CNTNAP2: variants seen among roughly 807,000 people sequenced by gnomAD.
CNTNAP2 encodes the protein contactin associated protein 2, also known as contactin-associated protein-like 2.
Under a neutral mutation model 155.2 loss-of-function variants are expected in CNTNAP2, and 98 were observed. That is an observed-to-expected ratio of 0.63 (90% CI 0.54 to 0.75). The LOEUF (loss-of-function observed/expected upper bound fraction) is 0.75. Ranked by LOEUF, CNTNAP2 falls within the 30% of genes least tolerant of loss-of-function variation. The pLI is 0.00. For missense variants in CNTNAP2, 1,727 were observed against 1,688.1 expected, an observed-to-expected ratio of 1.02 and a Z score of -0.40; for synonymous variants, 651 against 631.2, an observed-to-expected ratio of 1.03 and a Z score of -0.47.
chr7:148,250,938 C>A (rs1006901997), intron 20 of CNTNAP2, among the ~76,000 whole-genome samples: 16 of 152,182 alleles, frequency 1.1e-4, no homozygotes, highest in African/African-American at 3.9e-4. Context: ...ATCTTGAACT[C>A]CTAGGCTCAA....
At chr7:147,339,567 T>C (rs73740604) in intron 9 of CNTNAP2, among the ~76,000 whole-genome samples, 3,069 of 152,210 alleles carry the variant, frequency 0.02, 104 homozygotes, top group African/African-American at 0.071. Context: ...TATTCTGTTA[T>C]TGCAGCACTA....
intron 15 of CNTNAP2, among the ~76,000 whole-genome samples, chr7:148,014,738 T>A (rs1028092629): frequency 6.6e-6 from 1 of 152,166 alleles, no homozygotes. Flanking sequence ...AGCTTGGAGA[T>A]CTCAACAGAA....
intron 1 of CNTNAP2, among the ~76,000 whole-genome samples, chr7:146,609,802 A>G (rs1277202181): frequency 6.6e-6 from 1 of 152,206 alleles, no homozygotes; most frequent in African/African-American, 2.4e-5. Context: ...ATTTGATTAG[A>G]AAAAGTTATC....
chr7:146,603,150 C>T lies in CNTNAP2; in HGVS notation c.98-171121C>T, dbSNP rs964670542. 4.6e-5 allele frequency among the ~76,000 whole-genome samples: 7 copies of T among 151,492 alleles called. No individual in the cohort carries two copies. The South Asian group carries it at 8.4e-4, about 18-fold the overall frequency. ...TGCGATAGCTGGGCGAGGTGGCTCA[C>T]GCCTGTAATCCCAGCACTTTGGGAG... On this transcript the variant is annotated intron_variant, in intron 1 of 23. Coordinates refer to ENST00000361727, the MANE Select transcript of CNTNAP2 (RefSeq NM_014141.6).
intron 2 of CNTNAP2, among the ~76,000 whole-genome samples, chr7:146,796,824 C>G (rs905695136): frequency 1.3e-5 from 2 of 151,936 alleles, no homozygotes; most frequent in Admixed American, 6.6e-5. Context: ...AGCTCAGAGG[C>G]AAGTGAAGCA....
chr7:148,058,029 T>C (rs1803056283), intron 15 of CNTNAP2, among the ~76,000 whole-genome samples: 1 of 151,028 alleles, frequency 6.6e-6, no homozygotes, highest in African/African-American at 2.4e-5. Flanking sequence ...AGGTCCCAAG[T>C]TTTTATTTCC....
chr7:147,693,846 T>C (rs1329290666), intron 13 of CNTNAP2, among the ~76,000 whole-genome samples: 2 of 152,030 alleles, frequency 1.3e-5, no homozygotes, highest in Non-Finnish European at 2.9e-5. Context: ...TATTTTCTTG[T>C]CTTATTGCAT....
intron 13 of CNTNAP2, among the ~76,000 whole-genome samples, chr7:147,696,317 C>A (rs74777212): frequency 4.9e-4 from 74 of 152,134 alleles, no homozygotes; most frequent in African/African-American, 1.7e-3. Context: ...TGACTCTATC[C>A]TCTCTCTTTT....
chr7:146,627,638 T>G (rs1364707714), intron 1 of CNTNAP2, among the ~76,000 whole-genome samples: 2 of 152,252 alleles, frequency 1.3e-5, no homozygotes, highest in Non-Finnish European at 2.9e-5. Context: ...CTTAAAACTT[T>G]TATGTAATGA....
Position 146,301,328 on chromosome 7 carries a change from G to A in CNTNAP2, c.97+184355G>A, listed in dbSNP as rs556044996. 1.7e-3 allele frequency among the ~76,000 whole-genome samples: 252 copies of A among 152,050 alleles called. 1 individual carries two copies. Among genetic ancestry groups the A allele is most frequent in the South Asian group, 0.011 (52 of 4,810 alleles). ...AATTATTTATCTTCTTTCCATTTAA[G>A]AAGACATACATGGTGACCGGGCACA... On this transcript the variant is annotated intron_variant, in intron 1 of 23. Coordinates refer to ENST00000361727, the MANE Select transcript of CNTNAP2 (RefSeq NM_014141.6).
At chr7:146,910,575 A>G (rs1018579689) in intron 3 of CNTNAP2, among the ~76,000 whole-genome samples, 3 of 151,242 alleles carry the variant, frequency 2.0e-5, no homozygotes, top group Admixed American at 2.0e-4. Context: ...TATTTAATAA[A>G]TGGTGCTGGG....
At chr7:146,491,588 G>A (rs1243737429) in intron 1 of CNTNAP2, among the ~76,000 whole-genome samples, 1 of 152,092 alleles carries the variant, frequency 6.6e-6, no homozygotes, top group Non-Finnish European at 1.5e-5. Context: ...GGATGCACAC[G>A]AAAGGCTTTG....
chr7:148,162,929 G>T (rs995752753), intron 17 of CNTNAP2, among the ~76,000 whole-genome samples: 2 of 152,222 alleles, frequency 1.3e-5, no homozygotes, highest in African/African-American at 2.4e-5. Context: ...GAGCTCAGGA[G>T]GTCAAGGCTG....
rs548945360 is a variant in CNTNAP2 at position 147,068,272 on chromosome 7, C to T, written c.550+24218C>T. Reference sequence around the variant, plus strand: ...TGGCAAGGCTACCTTCTTGGGTTGGCCAATCAAACATTAACTTAGGTGTTG... The same window carrying T: ...TGGCAAGGCTACCTTCTTGGGTTGGTCAATCAAACATTAACTTAGGTGTTG... On this transcript the variant is annotated intron_variant, in intron 4 of 23. Coordinates refer to ENST00000361727, the MANE Select transcript of CNTNAP2 (RefSeq NM_014141.6). 3.3e-5 allele frequency among the ~76,000 whole-genome samples: 5 copies of T among 152,176 alleles called. No individual in the cohort carries two copies. In the South Asian group the frequency reaches 1.0e-3, roughly 32 times the overall value.
intron 1 of CNTNAP2, among the ~76,000 whole-genome samples, chr7:146,279,782 C>A (rs1800221208): frequency 6.6e-6 from 1 of 151,310 alleles, no homozygotes; most frequent in African/African-American, 2.4e-5. Flanking sequence ...TATTTTGCAA[C>A]CTTTTAAAAA....
intron 1 of CNTNAP2, among the ~76,000 whole-genome samples, chr7:146,498,702 C>T (rs896460684): frequency 1.3e-5 from 2 of 151,074 alleles, no homozygotes; most frequent in Non-Finnish European, 2.9e-5. Flanking sequence ...AAAATCCTGT[C>T]GGTTCAGAGT....
chr7:146,307,219 C>G (rs780606292), intron 1 of CNTNAP2, among the ~76,000 whole-genome samples: 1 of 152,076 alleles, frequency 6.6e-6, no homozygotes, highest in African/African-American at 2.4e-5. Flanking sequence ...TGAGTGAACT[C>G]CCATTCACAA....
intron 8 of CNTNAP2, among the ~76,000 whole-genome samples, chr7:147,169,026 T>C (rs76054427): frequency 0.02 from 3,055 of 152,294 alleles, 93 homozygotes; most frequent in African/African-American, 0.069. Flanking sequence ...AGTGGCATTT[T>C]CACCCTTTCA....
intron 8 of CNTNAP2, among the ~76,000 whole-genome samples, chr7:147,189,245 G>T (rs1244504682): frequency 6.6e-6 from 1 of 151,930 alleles, no homozygotes; most frequent in African/African-American, 2.4e-5. Context: ...ATTTTATTTT[G>T]CTGGCATAAA....
Sources: allele counts gnomAD v4.1 joint callset (sites outside exome capture counted in the v4.1 genomes callset), GRCh38; gene constraint gnomAD v4.1.1; transcripts MANE v1.5; gene names NCBI Gene and HGNC (gene_info 2026-07-23, HGNC 2026-07-21).